Variants in DNAAF11 observed in about 807,000 individuals in gnomAD.
DNAAF11 encodes leucine rich repeat containing 6.
In DNAAF11, 45 loss-of-function variants were observed where a neutral mutation model predicts 60.8. That is an observed-to-expected ratio of 0.74 (90% CI 0.58 to 0.95). The LOEUF (loss-of-function observed/expected upper bound fraction) is 0.95. Ranked by LOEUF, DNAAF11 falls within the 40% of genes least tolerant of loss-of-function variation. DNAAF11 has a pLI of 0.00. For synonymous variants in DNAAF11, 191 were observed against 183.5 expected (o/e 1.04, Z -0.33); for missense variants, 546 against 546.2 (o/e 1.00, Z 0.00).
At chr8:132,605,947 G>A (rs1235286564) in intron 10 of DNAAF11, among the ~76,000 whole-genome samples, 3 of 151,334 alleles carry the variant, frequency 2.0e-5, no homozygotes, top group Non-Finnish European at 4.4e-5. Context: ...ACATAATGGG[G>A]TCGGGGGGAC....
chr8:132,572,550 A>G (rs762567689), intron 11 of DNAAF11, 70 bp from the exon 12 acceptor site: 24 of 1,174,434 alleles, frequency 2.0e-5, no homozygotes, highest in Admixed American at 6.9e-5. Flanking sequence ...GATTCAACTC[A>G]CCCATCCATT....
intron 2 of DNAAF11, among the ~76,000 whole-genome samples, chr8:132,659,826 C>T (rs141333125): frequency 1.4e-4 from 22 of 152,092 alleles, no homozygotes; most frequent in East Asian, 7.7e-4. Flanking sequence ...TTCTTTCTTG[C>T]GGGGGGTGGG....
chr8:132,622,893 T>G, intron 6 of DNAAF11: 1 of 526,772 alleles, frequency 1.9e-6, no homozygotes, highest in Admixed American at 3.5e-5. Context: ...ATTTTTTATA[T>G]GGTTGTATCT....
intron 1 of DNAAF11, among the ~76,000 whole-genome samples, chr8:132,674,160 A>AAGGAGGAGGAGAAGGAGGAGG (rs1554613110): frequency 2.6e-5 from 1 of 38,916 alleles, no homozygotes; most frequent in African/African-American, 1.0e-4. Context: ...GGAGGAGGAG[A>AAGGAGGAGGAGAAGGAGGAGG]AGGAGAAGGA....
chr8:132,581,894 T>G (rs73353400), intron 11 of DNAAF11, among the ~76,000 whole-genome samples: 2,575 of 152,216 alleles, frequency 0.017, 88 homozygotes, highest in African/African-American at 0.059. Context: ...TTTGGAGGAA[T>G]TTGTGCTTCT....
intron 3 of DNAAF11, among the ~76,000 whole-genome samples, chr8:132,645,934 C>T (rs1295352393): frequency 6.6e-6 from 1 of 152,190 alleles, no homozygotes; most frequent in Non-Finnish European, 1.5e-5. Context: ...TCCAGGAGAA[C>T]TTCCCCAACC....
rs371903030 is a variant in DNAAF11 at position 132,662,656 on chromosome 8, A to G, written c.11-1029T>C. ...TCAGATGAGGAAGTAAAGCACAGAG[A>G]GTTTAAATAACTTACCTGGGTCTTG... On this transcript the variant is annotated intron_variant, in intron 1 of 11. Transcript: ENST00000620350. Among the ~76,000 whole-genome samples, 5 of 152,208 alleles carry G rather than the reference A, an allele frequency of 3.3e-5. 1 individual carries two copies. The South Asian group carries it at 1.0e-3, about 32-fold the overall frequency.
At chr8:132,648,227 T>C (rs1452939473) in intron 3 of DNAAF11, among the ~76,000 whole-genome samples, 1 of 152,086 alleles carries the variant, frequency 6.6e-6, no homozygotes, top group East Asian at 1.9e-4. Context: ...ATAAATATAA[T>C]CCAGCATATA....
intron 10 of DNAAF11, among the ~76,000 whole-genome samples, chr8:132,607,468 A>G (rs1199358303): frequency 1.3e-5 from 2 of 152,202 alleles, no homozygotes; most frequent in African/African-American, 4.8e-5. Context: ...CTGACATGGC[A>G]GCAACACAAA....
At chr8:132,674,244 A>C (rs910938779) in intron 1 of DNAAF11, among the ~76,000 whole-genome samples, 1 of 151,596 alleles carries the variant, frequency 6.6e-6, no homozygotes, top group Non-Finnish European at 1.5e-5. Flanking sequence ...GAAAAAAACC[A>C]ACTAGGGTGA....
At chr8:132,685,073 C>T in the DNAAF11 span, 3 of 152,030 alleles carry the variant, frequency 2.0e-5, no homozygotes, top group African/African-American at 4.8e-5. Flanking sequence ...TCTGGTACTT[C>T]GTAGCAGACA....
intron 3 of DNAAF11, among the ~76,000 whole-genome samples, chr8:132,644,815 A>T (rs909794866): frequency 6.6e-6 from 1 of 152,198 alleles, no homozygotes; most frequent in African/African-American, 2.4e-5. Context: ...AGGCTTGAGT[A>T]GGTAAACAAA....
Position 132,601,763 on chromosome 8 carries a change from G to A in DNAAF11, c.1140+8403C>T, listed in dbSNP as rs957902167. Among the ~76,000 whole-genome samples, 10 of 152,138 alleles carry A rather than the reference G, an allele frequency of 6.6e-5. No individual in the cohort carries two copies. The East Asian group carries it at 9.7e-4, about 15-fold the overall frequency. On this transcript the variant is annotated intron_variant, in intron 10 of 11. Transcript: ENST00000620350. ...CAGGAAGGGGAACATCACATACCGG[G>A]GCCTGTCATGGGGTGCGGGGAGGGT...
At chr8:132,604,835 A>C (rs1817980328) in intron 10 of DNAAF11, among the ~76,000 whole-genome samples, 1 of 152,218 alleles carries the variant, frequency 6.6e-6, no homozygotes, top group Non-Finnish European at 1.5e-5. Context: ...GCAACTATAG[A>C]GAGAAAACTA....
Position 132,611,563 on chromosome 8 carries a change from A to G in DNAAF11, c.975-200T>C, listed in dbSNP as rs114704521. 7.2e-4 allele frequency among the ~76,000 whole-genome samples: 109 copies of G among 152,328 alleles called. 1 individual carries two copies. Among genetic ancestry groups the G allele is most frequent in the African/African-American group, 2.5e-3 (105 of 41,584 alleles). On this transcript the variant is annotated intron_variant, in intron 8 of 11. Transcript: ENST00000620350. Reference sequence around the variant, plus strand: ...AATATATCAGCAATTTCATTTTTAGACCCACAAGTATACTTGGCATTGATT... The same window carrying G: ...AATATATCAGCAATTTCATTTTTAGGCCCACAAGTATACTTGGCATTGATT...
intron 4 of DNAAF11, among the ~76,000 whole-genome samples, chr8:132,634,400 A>G (rs1055497002): frequency 2.0e-5 from 3 of 152,174 alleles, no homozygotes; most frequent in African/African-American, 7.2e-5. Flanking sequence ...AAATATGGCC[A>G]TACAGTCACA....
At chr8:132,639,992 A>G (rs962904736) in intron 3 of DNAAF11, among the ~76,000 whole-genome samples, 1 of 152,216 alleles carries the variant, frequency 6.6e-6, no homozygotes, top group Non-Finnish European at 1.5e-5. Context: ...CCCATTAGAC[A>G]TTGTAAGCTA....
chr8:132,674,968 G>A (rs1031204255), intron 1 of DNAAF11, among the ~76,000 whole-genome samples: 23 of 152,204 alleles, frequency 1.5e-4, no homozygotes, highest in African/African-American at 5.1e-4. Context: ...TGGAGATGAA[G>A]AAGCTGAGGC....
intron 3 of DNAAF11, among the ~76,000 whole-genome samples, chr8:132,643,213 T>A (rs931838366): frequency 6.6e-6 from 1 of 152,236 alleles, no homozygotes; most frequent in Non-Finnish European, 1.5e-5. Context: ...TGGGGACCCC[T>A]GTGCTAGAGA....
Sources: gnomAD v4.1 joint callset for allele counts (sites outside exome capture counted in the v4.1 genomes callset) on GRCh38, gnomAD v4.1.1 for gene constraint, MANE v1.5 for transcripts, NCBI Gene and HGNC (gene_info 2026-07-23, HGNC 2026-07-21) for gene names.